Variants in GPM6A observed in about 807,000 individuals in gnomAD.
GPM6A encodes neuronal membrane glycoprotein M6-a.
In GPM6A, 7 loss-of-function variants were observed where a neutral mutation model predicts 32.1. The ratio of observed to expected loss-of-function variants is 0.22; its 90% CI spans 0.12 to 0.41. The LOEUF (loss-of-function observed/expected upper bound fraction) is 0.41. Ranked by LOEUF, GPM6A falls within the 10% of genes least tolerant of loss-of-function variation. GPM6A has a pLI of 1.00. For synonymous variants in GPM6A, 130 were observed against 123.4 expected, an observed-to-expected ratio of 1.05 and a Z score of -0.35; for missense variants, 235 against 347.2, an observed-to-expected ratio of 0.68 and a Z score of 2.57.
intron 1 of GPM6A, among the ~76,000 whole-genome samples, chr4:175,966,421 T>A (rs554756496): frequency 6.7e-6 from 1 of 148,720 alleles, no homozygotes. Context: ...ACAATAATAA[T>A]ATAATATATA....
At chr4:175,894,781 G>A (rs1389085327) in intron 1 of GPM6A, among the ~76,000 whole-genome samples, 1 of 151,746 alleles carries the variant, frequency 6.6e-6, no homozygotes, top group Non-Finnish European at 1.5e-5. Flanking sequence ...CATTTAGGAG[G>A]AAAACTCATA....
chr4:176,001,954 A>T (rs758571844), intron 1 of GPM6A, among the ~76,000 whole-genome samples: 30 of 152,144 alleles, frequency 2.0e-4, no homozygotes, highest in Non-Finnish European at 3.5e-4. Context: ...TGGGTCTCTT[A>T]GTCTTTCTTT....
At chr4:175,668,542 T>TGTGTGTGTGTG (rs1560863089) in intron 3 of GPM6A, among the ~76,000 whole-genome samples, 1 of 151,518 alleles carries the variant, frequency 6.6e-6, no homozygotes, top group Non-Finnish European at 1.5e-5. Flanking sequence ...TGTGTGTGTG[T>TGTGTGTGTGTG]TTATTTTAAA....
intron 3 of GPM6A, among the ~76,000 whole-genome samples, chr4:175,665,314 A>G (rs1742683933): frequency 6.6e-6 from 1 of 152,180 alleles, no homozygotes; most frequent in Non-Finnish European, 1.5e-5. Context: ...TTCTGACTAT[A>G]CTAGGGACTC....
At chr4:175,708,960 T>C (rs1745375814) in intron 1 of GPM6A, among the ~76,000 whole-genome samples, 1 of 152,178 alleles carries the variant, frequency 6.6e-6, no homozygotes, top group African/African-American at 2.4e-5. Context: ...TCCAGTCCAC[T>C]TGTGTACTTT....
chr4:175,738,453 T>C (rs1046797770), intron 1 of GPM6A, among the ~76,000 whole-genome samples: 1 of 152,068 alleles, frequency 6.6e-6, no homozygotes, highest in Non-Finnish European at 1.5e-5. Context: ...AAAATATTCT[T>C]AATATGTTTT....
chr4:175,727,304 G>A (rs1003451154), intron 1 of GPM6A, among the ~76,000 whole-genome samples: 6 of 152,118 alleles, frequency 3.9e-5, no homozygotes, highest in Non-Finnish European at 7.4e-5. Flanking sequence ...GTTCTACTAC[G>A]GCGGTTAGTT....
chr4:175,754,698 C>T (rs771274097), intron 1 of GPM6A, among the ~76,000 whole-genome samples: 1 of 152,134 alleles, frequency 6.6e-6, no homozygotes, highest in Non-Finnish European at 1.5e-5. Flanking sequence ...GAAGTACATT[C>T]ACATTTGTTT....
chr4:175,803,960 G>T (rs1734577911), intron 1 of GPM6A, among the ~76,000 whole-genome samples: 1 of 146,672 alleles, frequency 6.8e-6, no homozygotes, highest in Non-Finnish European at 1.6e-5. Flanking sequence ...TCTTTTCACT[G>T]TAAAATGGTT....
At chr4:175,838,322 G>A (rs909005051) in intron 1 of GPM6A, among the ~76,000 whole-genome samples, 2 of 149,232 alleles carry the variant, frequency 1.3e-5, no homozygotes, top group African/African-American at 4.9e-5. Context: ...CCAAGCGTCA[G>A]ACAGTAAAAC....
chr4:175,992,513 C>T (rs924235718), intron 1 of GPM6A, among the ~76,000 whole-genome samples: 2 of 152,106 alleles, frequency 1.3e-5, no homozygotes, highest in Non-Finnish European at 2.9e-5. Flanking sequence ...GGGCTCAATA[C>T]AATTGATTGA....
chr4:175,787,267 A>T (rs1733839487), intron 1 of GPM6A: 1 of 908,846 alleles, frequency 1.1e-6, no homozygotes, highest in Admixed American at 2.0e-5. Context: ...CACTACAGAG[A>T]TAAAGCAGAA....
At chr4:175,720,797 A>G (rs1746077444) in intron 1 of GPM6A, among the ~76,000 whole-genome samples, 1 of 152,112 alleles carries the variant, frequency 6.6e-6, no homozygotes, top group African/African-American at 2.4e-5. Context: ...ATATATACTG[A>G]ATTCACAGCA....
At chr4:175,753,810 C>T (rs1471657175) in intron 1 of GPM6A, among the ~76,000 whole-genome samples, 2 of 152,060 alleles carry the variant, frequency 1.3e-5, no homozygotes, top group Non-Finnish European at 2.9e-5. Flanking sequence ...ATACAAGTTA[C>T]TTTGTAAGGA....
intron 1 of GPM6A, among the ~76,000 whole-genome samples, chr4:175,727,873 G>A (rs940371543): frequency 1.1e-4 from 16 of 152,034 alleles, no homozygotes; most frequent in South Asian, 4.2e-4. Flanking sequence ...GCATGGTGGC[G>A]CATGCCTGTA....
At chr4:175,904,269 C>T (rs909237797) in intron 1 of GPM6A, among the ~76,000 whole-genome samples, 16 of 151,846 alleles carry the variant, frequency 1.1e-4, no homozygotes, top group Middle Eastern at 3.2e-3. Flanking sequence ...GACAGGCAAC[C>T]GATATTATTA....
chr4:175,878,362 G>A (rs999969325), intron 1 of GPM6A, among the ~76,000 whole-genome samples: 3 of 152,150 alleles, frequency 2.0e-5, no homozygotes, highest in Non-Finnish European at 4.4e-5. Context: ...GGTTCTCTGT[G>A]AGTGCCCCAC....
intron 1 of GPM6A, among the ~76,000 whole-genome samples, chr4:175,884,418 T>C (rs1737384300): frequency 6.6e-6 from 1 of 152,220 alleles, no homozygotes; most frequent in Non-Finnish European, 1.5e-5. Context: ...AGTGTCAGAC[T>C]GTTTCATACA....
chr4:175,669,996 GC>G (rs1010179565), intron 3 of GPM6A, among the ~76,000 whole-genome samples: 54 of 150,788 alleles, frequency 3.6e-4, no homozygotes, highest in African/African-American at 1.3e-3. Flanking sequence ...GTTCTTTACA[GC>G]CCTCAGGAAA....
Sources: allele counts gnomAD v4.1 joint callset (sites outside exome capture counted in the v4.1 genomes callset), GRCh38; gene constraint gnomAD v4.1.1; transcripts MANE v1.5; gene names NCBI Gene and HGNC (gene_info 2026-07-23, HGNC 2026-07-21).